The following DPYSL5 variants were observed in gnomAD, a reference collection of about 807,000 sequenced individuals.
The protein encoded by DPYSL5 is dihydropyrimidinase-related protein 5.
DPYSL5 carries 9 observed loss-of-function variants against 58.4 expected under a neutral mutation model. That is an observed-to-expected ratio of 0.15 (90% CI 0.09 to 0.27). The LOEUF (loss-of-function observed/expected upper bound fraction) is 0.27, where lower values mean the gene tolerates loss of function less well. DPYSL5 is among the 10% of genes least tolerant of loss of function. DPYSL5 has a pLI of 1.00. For missense variants in DPYSL5, 499 were observed against 770.6 expected (o/e 0.65, Z 4.17); for synonymous variants, 293 against 301.9 (o/e 0.97, Z 0.31).
At chr2:26,900,390 TTC>T (rs1664125696) in intron 2 of DPYSL5, among the ~76,000 whole-genome samples, 1 of 152,252 alleles carries the variant, frequency 6.6e-6, no homozygotes, top group African/African-American at 2.4e-5. Context: ...TCGCATTGGC[TTC>T]TTTTGCTCAA....
At position 26,945,389 on chromosome 2, in the gene DPYSL5, T is replaced by C. The variant is rs185789858; in HGVS notation, c.1609+565T>C. On this transcript the variant is annotated intron_variant, in intron 12 of 12. Coordinates refer to ENST00000288699, the MANE Select transcript of DPYSL5 (RefSeq NM_020134.4). ...TTTTCTCTCGACTTCTGATGCCCAG[T>C]TTTTTCTCTTATCTTTCTGTCCTTT... is the stretch of plus-strand genomic sequence containing the variant. 1.7e-3 allele frequency among the ~76,000 whole-genome samples: 264 copies of C among 151,906 alleles called. 1 individual carries two copies. The highest frequency in any genetic ancestry group is 6.8e-4 in the Non-Finnish European group (46 of 67,962).
chr2:26,889,678 C>A (rs1209198002), intron 1 of DPYSL5, among the ~76,000 whole-genome samples: 2 of 151,636 alleles, frequency 1.3e-5, no homozygotes, highest in Admixed American at 6.6e-5. Context: ...TGCTTAAGAA[C>A]CTGCATAGCG....
chr2:26,946,500 G>A (rs1665488928), intron 12 of DPYSL5, among the ~76,000 whole-genome samples: 1 of 151,932 alleles, frequency 6.6e-6, no homozygotes, highest in African/African-American at 2.4e-5. Flanking sequence ...TTTGGGCTGT[G>A]GTTCTTTCAT....
At chr2:26,894,747 C>T (rs151285314) in intron 1 of DPYSL5, among the ~76,000 whole-genome samples, 14 of 152,316 alleles carry the variant, frequency 9.2e-5, no homozygotes, top group Non-Finnish European at 1.6e-4. Flanking sequence ...TTTCTTTACT[C>T]ACAGAGATCT....
At chr2:26,909,155 T>C (rs1664370405) in intron 2 of DPYSL5, among the ~76,000 whole-genome samples, 1 of 152,188 alleles carries the variant, frequency 6.6e-6, no homozygotes, top group Non-Finnish European at 1.5e-5. Context: ...CAGCCACATT[T>C]TTCTCTCCTT....
chr2:26,896,975 G>C (rs1251397485), intron 1 of DPYSL5, among the ~76,000 whole-genome samples: 1 of 152,138 alleles, frequency 6.6e-6, no homozygotes, highest in Non-Finnish European at 1.5e-5. Context: ...GGTGACACCA[G>C]GTGTGCATTG....
intron 12 of DPYSL5, among the ~76,000 whole-genome samples, chr2:26,945,027 C>G (rs1375760823): frequency 6.6e-6 from 1 of 152,158 alleles, no homozygotes; most frequent in Non-Finnish European, 1.5e-5. Context: ...GGCACAGACG[C>G]TCTAATAGGC....
At chr2:26,932,609 G>A (rs573856941) in intron 6 of DPYSL5, among the ~76,000 whole-genome samples, 1 of 152,292 alleles carries the variant, frequency 6.6e-6, no homozygotes, top group Non-Finnish European at 1.5e-5. Flanking sequence ...CCCAGAATAA[G>A]GAAAGACCCA....
At chr2:26,884,020 C>T (rs1282983024) in intron 1 of DPYSL5, among the ~76,000 whole-genome samples, 4 of 152,178 alleles carry the variant, frequency 2.6e-5, no homozygotes, top group Admixed American at 6.5e-5. Flanking sequence ...AGGAAGCAGC[C>T]ACTCCAGGAG....
chr2:26,938,841 CT>C (rs1480159044), intron 8 of DPYSL5: 1 of 152,386 alleles, frequency 6.6e-6, no homozygotes, highest in East Asian at 1.9e-4. Flanking sequence ...CAGTCATCCC[CT>C]CCCCCACCTG....
chr2:26,882,237 C>T (rs994676776), intron 1 of DPYSL5, among the ~76,000 whole-genome samples: 2 of 151,548 alleles, frequency 1.3e-5, no homozygotes, highest in African/African-American at 4.9e-5. Flanking sequence ...TTTTAAAGTA[C>T]AATATTTACT....
rs1665074402 is a variant in DPYSL5 at position 26,933,022 on chromosome 2, TC to T, written c.715-233del. Reference sequence around the variant, plus strand: ...GGTCTTGAACTTCACAGGCTGGGCTTCCCGGTGGGCTCTGGTGCTGGAGGCT... The same window carrying T: ...GGTCTTGAACTTCACAGGCTGGGCTTCCGGTGGGCTCTGGTGCTGGAGGCT... On this transcript the variant is annotated intron_variant, in intron 6 of 12. Coordinates refer to ENST00000288699, the MANE Select transcript of DPYSL5 (RefSeq NM_020134.4). The surrounding 1 kb of genome is among the most constrained non-coding windows in gnomAD (Gnocchi z 4.2). 6.6e-6 allele frequency among the ~76,000 whole-genome samples: 1 copy of T among 152,220 alleles called. No individual in the cohort carries two copies. The highest frequency in any genetic ancestry group is 6.5e-5 in the Admixed American group (1 of 15,290).
At position 26,928,349 on chromosome 2, in the gene DPYSL5, G is replaced by A. The variant is rs143668458; in HGVS notation, c.669+26G>A. ...GTGAGAAACACTTCCTGTAGCCTTT[G>A]TCAGCGTCTCTCATGTAGATTGACA... On this transcript the variant is annotated intron_variant, in intron 5 of 12. Coordinates refer to ENST00000288699, the MANE Select transcript of DPYSL5 (RefSeq NM_020134.4). 121 of 1,611,518 alleles carry A rather than the reference G, an allele frequency of 7.5e-5. 1 individual carries two copies. In the East Asian group the frequency reaches 2.4e-3, roughly 32 times the overall value.
rs12478863 is a variant in DPYSL5 at position 26,877,257 on chromosome 2, C to T, written c.-4-21239C>T. Among the ~76,000 whole-genome samples, 3,111 of 152,274 alleles carry T rather than the reference C, an allele frequency of 0.02. 324 individuals carry two copies. The highest frequency in any genetic ancestry group is 0.17 in the Admixed American group (2,626 of 15,298). On this transcript the variant is annotated intron_variant, in intron 1 of 12. Transcript: ENST00000288699. The surrounding 1 kb of genome is among the most constrained non-coding windows in gnomAD (Gnocchi z 4.1). ...CTGGGATTACAGGCATGAGCCACCG[C>T]GCCTGGCCCATAGCCACTTTATTAT...
At chr2:26,858,255 T>TC (rs112868485) in intron 1 of DPYSL5, among the ~76,000 whole-genome samples, 58,943 of 148,590 alleles carry the variant, frequency 0.4, 11,906 homozygotes, top group Admixed American at 0.49. Context: ...CACTGCAAGC[T>TC]CCGCCTCCTG....
chr2:26,946,626 T>C (rs75556143), intron 12 of DPYSL5, among the ~76,000 whole-genome samples: 2 of 152,358 alleles, frequency 1.3e-5, no homozygotes, highest in East Asian at 3.9e-4. Context: ...AGAGACTGTA[T>C]GCCTAGGCAT....
intron 1 of DPYSL5, among the ~76,000 whole-genome samples, chr2:26,868,873 G>A (rs913212046): frequency 4.6e-5 from 7 of 152,078 alleles, no homozygotes; most frequent in Admixed American, 1.3e-4. Context: ...GACATTTTAC[G>A]ATATTATGTC....
rs878974814 is a variant in DPYSL5, at chr2:26,948,285, AG to A, written c.*1292del. On this transcript the variant is annotated 3_prime_UTR_variant, in exon 13 of 13. Transcript: ENST00000288699. The stretch of plus-strand genomic sequence containing the variant: ...GGCTGTCGAACCCGCATTGCTGCTC[AG>A]GTGCCGTGATCTCCCGTGGTCGGCA... 6.6e-6 allele frequency: 1 copy of A among 152,336 alleles called. No homozygotes were observed. The highest frequency in any genetic ancestry group is 2.1e-4 in the South Asian group (1 of 4,830). 9.4% of individuals were successfully genotyped at this position (152,336 alleles called of 1,614,324 possible).
At chr2:26,931,736 C>T (rs920683821) in intron 6 of DPYSL5, 52 bp downstream of exon 6, 7 of 1,594,816 alleles carry the variant, frequency 4.4e-6, no homozygotes, top group African/African-American at 2.7e-5. Flanking sequence ...TGGCCAGGCA[C>T]GGTGCTGATG....
Sources: allele counts gnomAD v4.1 joint callset (sites outside exome capture counted in the v4.1 genomes callset), GRCh38; gene constraint gnomAD v4.1.1; non-coding constraint Gnocchi (gnomAD v3.1); transcripts MANE v1.5; gene names NCBI Gene and HGNC (gene_info 2026-07-23, HGNC 2026-07-21).